Variants in MCOLN2 observed in about 807,000 individuals in gnomAD.
MCOLN2 encodes mucolipin-2.
A neutral mutation model predicts 67.5 loss-of-function variants in MCOLN2; 57 were observed. The observed-to-expected ratio is 0.84, with a 90% CI of 0.68 to 1.05. MCOLN2 has a LOEUF of 1.05. Ranked by LOEUF, MCOLN2 falls within the 50% of genes least tolerant of loss-of-function variation. The probability of loss-of-function intolerance (pLI) is 0.00; values close to 1 mark genes in which losing one functional copy is unlikely to be tolerated. For missense variants in MCOLN2, 620 were observed against 678.8 expected, an observed-to-expected ratio of 0.91 and a Z score of 0.96; for synonymous variants, 246 against 233.3, an observed-to-expected ratio of 1.05 and a Z score of -0.50.
chr1:84,958,501 T>C (rs1557647619), intron 3 of MCOLN2, 28 bp downstream of exon 3: 3 of 1,570,630 alleles, frequency 1.9e-6, no homozygotes, highest in Non-Finnish European at 2.6e-6. Flanking sequence ...ATTGTTAAAG[T>C]ATAGGTCATT....
At chr1:84,934,785 G>A (rs1281174615) in intron 11 of MCOLN2, among the ~76,000 whole-genome samples, 1 of 152,202 alleles carries the variant, frequency 6.6e-6, no homozygotes, top group African/African-American at 2.4e-5. Context: ...CTCACCCTCT[G>A]TGCCCAGGCA....
intron 6 of MCOLN2, among the ~76,000 whole-genome samples, chr1:84,951,727 T>C (rs1385669872): frequency 2.6e-5 from 4 of 152,228 alleles, no homozygotes. Context: ...TTTTTAAAAG[T>C]TGAAAAGGGT....
chr1:84,982,663 T>C (rs1650315005), intron 1 of MCOLN2, among the ~76,000 whole-genome samples: 1 of 152,212 alleles, frequency 6.6e-6, no homozygotes, highest in Non-Finnish European at 1.5e-5. Context: ...TTCTTTGTTG[T>C]CCTAACTGCT....
At chr1:84,979,835 T>C (rs924055862) in intron 1 of MCOLN2, among the ~76,000 whole-genome samples, 3 of 151,966 alleles carry the variant, frequency 2.0e-5, no homozygotes, top group Non-Finnish European at 4.4e-5. Context: ...AGCAATCAGA[T>C]AAGAGAAAGA....
rs183423040 is a variant in MCOLN2 at position 84,943,805 on chromosome 1, C to G, written c.848-2814G>C. ...AGGCTGCCATGAGAATCAGGTGGAA[C>G]AGTCTGTGTGAAGTGCTTGTTACAG... On this transcript the variant is annotated intron_variant, in intron 7 of 13. Transcript: ENST00000370608. Among the ~76,000 whole-genome samples, 22 of 152,322 alleles carry G rather than the reference C, an allele frequency of 1.4e-4. 1 individual carries two copies. In the East Asian group the frequency reaches 3.3e-3, roughly 23 times the overall value.
intron 2 of MCOLN2, among the ~76,000 whole-genome samples, chr1:84,961,435 C>T (rs1251249867): frequency 6.6e-6 from 1 of 152,176 alleles, no homozygotes; most frequent in Non-Finnish European, 1.5e-5. Flanking sequence ...CTCATCAAAA[C>T]TCAGCTTTGG....
intron 13 of MCOLN2, 66 bp downstream of exon 13, chr1:84,929,492 G>A: frequency 1.4e-6 from 2 of 1,472,930 alleles, no homozygotes; most frequent in South Asian, 2.9e-5. Flanking sequence ...TAATCTTGGA[G>A]GGGCTCTTTC....
chr1:84,987,504 A>G (rs368863751), intron 1 of MCOLN2, among the ~76,000 whole-genome samples: 11,769 of 22,086 alleles, frequency 0.53, 2,635 homozygotes, highest in South Asian at 0.63. Flanking sequence ...GTATACATAG[A>G]TGTATACATA....
chr1:84,962,465 C>A (rs1483681747), intron 2 of MCOLN2, among the ~76,000 whole-genome samples: 2 of 152,170 alleles, frequency 1.3e-5, no homozygotes, highest in Non-Finnish European at 2.9e-5. Context: ...ATCTCTTGAG[C>A]CCAGGAGTTC....
intron 12 of MCOLN2, among the ~76,000 whole-genome samples, chr1:84,931,152 T>C (rs1233085889): frequency 6.6e-6 from 1 of 152,020 alleles, no homozygotes; most frequent in Non-Finnish European, 1.5e-5. Flanking sequence ...CCATTTCCCT[T>C]TTCTTTCCCA....
chr1:84,981,403 T>A (rs960101251), intron 1 of MCOLN2, among the ~76,000 whole-genome samples: 1 of 152,118 alleles, frequency 6.6e-6, no homozygotes, highest in African/African-American at 2.4e-5. Flanking sequence ...TTGGAAGCAA[T>A]CTGTATGTCC....
At chr1:84,938,891 C>T (rs1421152055) in intron 9 of MCOLN2, among the ~76,000 whole-genome samples, 1 of 152,100 alleles carries the variant, frequency 6.6e-6, no homozygotes, top group African/African-American at 2.4e-5. Context: ...CCTCTGACAG[C>T]TGTGTGAATG....
chr1:84,964,827 C>A (rs749564662), intron 2 of MCOLN2, among the ~76,000 whole-genome samples: 7 of 152,214 alleles, frequency 4.6e-5, no homozygotes, highest in Non-Finnish European at 8.8e-5. Flanking sequence ...CACCACTGAT[C>A]TGACAGGAGG....
chr1:84,988,090 C>G (rs1414381292), intron 1 of MCOLN2, among the ~76,000 whole-genome samples: 2 of 152,086 alleles, frequency 1.3e-5, no homozygotes, highest in African/African-American at 4.8e-5. Flanking sequence ...AAATGCATTG[C>G]TATTAGTATT....
At chr1:84,991,650 G>T (rs1258546113) in intron 1 of MCOLN2, among the ~76,000 whole-genome samples, 2 of 152,196 alleles carry the variant, frequency 1.3e-5, no homozygotes, top group Admixed American at 1.3e-4. Context: ...ACTCATGAAA[G>T]ATGAACATGC....
chr1:84,963,228 A>G (rs1187377582), intron 2 of MCOLN2, among the ~76,000 whole-genome samples: 78 of 152,220 alleles, frequency 5.1e-4, no homozygotes, highest in Non-Finnish European at 4.4e-5. Context: ...GGATGAAATG[A>G]GTTGAAGTAC....
chr1:84,971,094 AC>A (rs1221048500), intron 1 of MCOLN2, among the ~76,000 whole-genome samples: 3 of 152,224 alleles, frequency 2.0e-5, no homozygotes, highest in Non-Finnish European at 4.4e-5. Context: ...TTGGGTATTT[AC>A]AGAGCAGTTG....
intron 13 of MCOLN2, among the ~76,000 whole-genome samples, chr1:84,927,046 G>T (rs1661196542): frequency 1.3e-5 from 2 of 151,080 alleles, no homozygotes; most frequent in African/African-American, 2.4e-5. Flanking sequence ...ATGTTGGGGG[G>T]TAGGGGGAAA....
At chr1:84,967,869 G>A (rs1227015475) in intron 1 of MCOLN2, among the ~76,000 whole-genome samples, 3 of 147,690 alleles carry the variant, frequency 2.0e-5, no homozygotes, top group African/African-American at 7.5e-5. Flanking sequence ...AAGGAAGGAA[G>A]AAGGGAGAGA....
Sources: gnomAD v4.1 joint callset for allele counts (sites outside exome capture counted in the v4.1 genomes callset) on GRCh38, gnomAD v4.1.1 for gene constraint, MANE v1.5 for transcripts, NCBI Gene and HGNC (gene_info 2026-07-23, HGNC 2026-07-21) for gene names.